The following FDX1 variants were observed in gnomAD, a reference collection of about 807,000 sequenced individuals.
FDX1 encodes the protein ferredoxin 1, also known as adrenodoxin, mitochondrial.
In FDX1, 9 loss-of-function variants were observed where a neutral mutation model predicts 14.9. The ratio of observed to expected loss-of-function variants is 0.60; its 90% CI spans 0.36 to 1.05. The LOEUF (loss-of-function observed/expected upper bound fraction) is 1.05. Ranked by LOEUF, FDX1 falls within the 50% of genes least tolerant of loss-of-function variation. FDX1 has a pLI of 0.01. For missense variants in FDX1, 204 were observed against 237.2 expected (o/e 0.86, Z 0.92); for synonymous variants, 92 against 99.4 (o/e 0.93, Z 0.44).
At chr11:110,441,347 C>A (rs1163004587) in intron 2 of FDX1, among the ~76,000 whole-genome samples, 3 of 152,168 alleles carry the variant, frequency 2.0e-5, no homozygotes, top group African/African-American at 7.2e-5. Flanking sequence ...GTTTGGAGGG[C>A]TCAGGAGAAG....
intron 1 of FDX1, among the ~76,000 whole-genome samples, chr11:110,430,828 C>T (rs1165634566): frequency 2.0e-5 from 3 of 152,190 alleles, no homozygotes; most frequent in Non-Finnish European, 2.9e-5. Context: ...CCAGCCCATA[C>T]CCTCTGCTGC....
At chr11:110,445,615 T>G (rs994247717) in intron 2 of FDX1, among the ~76,000 whole-genome samples, 2 of 152,220 alleles carry the variant, frequency 1.3e-5, no homozygotes, top group Non-Finnish European at 2.9e-5. Flanking sequence ...TGAGTCACAG[T>G]TAAATAAAGT....
intron 2 of FDX1, among the ~76,000 whole-genome samples, chr11:110,450,804 A>G (rs906904155): frequency 2.6e-5 from 4 of 152,192 alleles, no homozygotes; most frequent in African/African-American, 2.4e-5. Flanking sequence ...GTGTATATCC[A>G]TGTATATATA....
In FDX1 at chr11:110,462,604, A is replaced by G; in HGVS notation, c.*136A>G. 2.3e-6 allele frequency: 1 copy of G among 426,532 alleles called. No homozygotes were observed. The highest frequency in any genetic ancestry group is 4.1e-6 in the Non-Finnish European group (1 of 243,156). The allele number at this position is 426,532 out of a possible 1,614,324, so 26.4% of individuals were successfully genotyped here. A position where few individuals can be genotyped will look rare whatever the true frequency, so the allele number is the denominator to read the frequency against. ...TTTACTATTTTAATTCACCTTGCAT[A>G]ACTACTGAATTTTGTCATTCTTGAA... On this transcript the variant is annotated 3_prime_UTR_variant, in exon 4 of 4. Coordinates refer to ENST00000260270, the MANE Select transcript of FDX1 (RefSeq NM_004109.5).
At chr11:110,433,543 A>G (rs1178079123) in intron 1 of FDX1, among the ~76,000 whole-genome samples, 1 of 152,172 alleles carries the variant, frequency 6.6e-6, no homozygotes, top group East Asian at 1.9e-4. Flanking sequence ...TGATTAGTTT[A>G]TGCTGTTTTG....
chr11:110,450,385 G>T (rs991944565), intron 2 of FDX1, among the ~76,000 whole-genome samples: 1 of 151,836 alleles, frequency 6.6e-6, no homozygotes, highest in Non-Finnish European at 1.5e-5. Context: ...TTCACAGTAG[G>T]GTTCTCATCC....
intron 2 of FDX1, among the ~76,000 whole-genome samples, chr11:110,439,989 G>C (rs556800883): frequency 6.6e-6 from 1 of 152,188 alleles, no homozygotes; most frequent in South Asian, 2.1e-4. Flanking sequence ...TTTTCTAGAT[G>C]TATGGCTTTA....
chr11:110,434,641 CT>C (rs1565379205), intron 1 of FDX1, among the ~76,000 whole-genome samples: 1 of 150,238 alleles, frequency 6.7e-6, no homozygotes, highest in Non-Finnish European at 1.5e-5. Flanking sequence ...CCATGATTTG[CT>C]TTTTAGAAGC....
At chr11:110,454,767 A>G (rs761045147) in intron 2 of FDX1, among the ~76,000 whole-genome samples, 30 of 152,146 alleles carry the variant, frequency 2.0e-4, no homozygotes, top group Non-Finnish European at 3.5e-4. Context: ...TGGAACTACT[A>G]TGTGAGGTTA....
Position 110,430,006 on chromosome 11 carries a change from C to G in FDX1, c.-115C>G, listed in dbSNP as rs1946318156. On this transcript the variant is annotated 5_prime_UTR_variant, in exon 1 of 4. Transcript: ENST00000260270. ...TCTCTCCGCCACTCCAGCCCCGCGC[C>G]CCTCGCCGCGGCCCTCGGGCGTCTG... is the stretch of plus-strand genomic sequence containing the variant. 1 of 695,462 alleles carries G rather than the reference C, an allele frequency of 1.4e-6. No individual in the cohort carries two copies. The highest frequency in any genetic ancestry group is 1.9e-5 in the African/African-American group (1 of 53,282). The allele number at this position is 695,462 out of a possible 1,614,324, so 43.1% of individuals were successfully genotyped here.
At chr11:110,452,302 A>T (rs1364221301) in intron 2 of FDX1, among the ~76,000 whole-genome samples, 1 of 152,148 alleles carries the variant, frequency 6.6e-6, no homozygotes, top group East Asian at 1.9e-4. Flanking sequence ...TGAAAAGCCA[A>T]ACTACAGACT....
chr11:110,449,675 T>C (rs112699735), intron 2 of FDX1, among the ~76,000 whole-genome samples: 58 of 152,328 alleles, frequency 3.8e-4, no homozygotes, highest in African/African-American at 1.4e-3. Flanking sequence ...TCACTCAGGC[T>C]GGAGTGCAGT....
At chr11:110,440,209 C>G (rs1946396908) in intron 2 of FDX1, among the ~76,000 whole-genome samples, 1 of 151,126 alleles carries the variant, frequency 6.6e-6, no homozygotes, top group African/African-American at 2.4e-5. Flanking sequence ...TTTGTTTATT[C>G]TTTCAGAAAA....
At position 110,447,193 on chromosome 11, in the gene FDX1, A is replaced by C. The variant is rs1289399699; in HGVS notation, c.311-9725A>C. 4.2e-5 allele frequency among the ~76,000 whole-genome samples: 6 copies of C among 141,692 alleles called. No individual in the cohort carries two copies. In the Admixed American group the frequency reaches 4.3e-4, roughly 10 times the overall value. The allele number at this position is 141,692 out of a possible 152,430, so 93.0% of individuals were successfully genotyped here. A position where few individuals can be genotyped will look rare whatever the true frequency, so the allele number is the denominator to read the frequency against. On this transcript the variant is annotated intron_variant, in intron 2 of 3. Transcript: ENST00000260270. ...TCCATCTTGGAAAAAAAAAAAAAAA[A>C]CCGAGATGGGCGGATCACGAGGTCA...
intron 2 of FDX1, among the ~76,000 whole-genome samples, chr11:110,440,781 A>G (rs1419193853): frequency 1.3e-5 from 2 of 152,254 alleles, no homozygotes; most frequent in African/African-American, 4.8e-5. Flanking sequence ...TTAGGTGTAG[A>G]TACTGTAAAG....
At chr11:110,439,987 A>C (rs1388262123) in intron 2 of FDX1, among the ~76,000 whole-genome samples, 5 of 151,876 alleles carry the variant, frequency 3.3e-5, no homozygotes, top group African/African-American at 1.2e-4. Flanking sequence ...GATTTTCTAG[A>C]TGTATGGCTT....
intron 2 of FDX1, among the ~76,000 whole-genome samples, chr11:110,454,453 G>A (rs1344792746): frequency 6.6e-6 from 1 of 152,058 alleles, no homozygotes; most frequent in African/African-American, 2.4e-5. Flanking sequence ...TATAAGTAAG[G>A]CAACTTACAT....
chr11:110,436,899 T>TATTA (rs936344188), intron 2 of FDX1, among the ~76,000 whole-genome samples: 1 of 152,128 alleles, frequency 6.6e-6, no homozygotes, highest in African/African-American at 2.4e-5. Context: ...CTTATTAGAT[T>TATTA]ATTAGTTTTT....
chr11:110,459,704 G>A (rs1227827613), intron 3 of FDX1, among the ~76,000 whole-genome samples: 1 of 152,230 alleles, frequency 6.6e-6, no homozygotes, highest in Non-Finnish European at 1.5e-5. Flanking sequence ...GTGTCAAAAT[G>A]TTGTGGGACT....
Sources: allele counts gnomAD v4.1 joint callset (sites outside exome capture counted in the v4.1 genomes callset), GRCh38; gene constraint gnomAD v4.1.1; transcripts MANE v1.5; gene names NCBI Gene and HGNC (gene_info 2026-07-23, HGNC 2026-07-21).